The following SYN2 variants were observed in gnomAD, a reference collection of about 807,000 sequenced individuals.
SYN2 encodes the protein synapsin II.
A neutral mutation model predicts 50.9 loss-of-function variants in SYN2; 19 were observed. That is an observed-to-expected ratio of 0.37 (90% CI 0.26 to 0.55). The LOEUF is 0.55. Among genes scored for constraint, SYN2 ranks in the 20% least tolerant of loss-of-function variants. SYN2 has a pLI of 0.81. For missense variants in SYN2, 587 were observed against 576.4 expected (o/e 1.02, Z -0.19); for synonymous variants, 255 against 224.9 (o/e 1.13, Z -1.20).
At chr3:12,082,963 A>T (rs1190455359) in intron 1 of SYN2, among the ~76,000 whole-genome samples, 1 of 152,090 alleles carries the variant, frequency 6.6e-6, no homozygotes, top group Non-Finnish European at 1.5e-5. Context: ...AAAAGTTCTT[A>T]ATGATACCTA....
chr3:12,100,258 T>C (rs1342874747), intron 1 of SYN2, among the ~76,000 whole-genome samples: 1 of 152,126 alleles, frequency 6.6e-6, no homozygotes, highest in Non-Finnish European at 1.5e-5. Context: ...AATAAAGTGA[T>C]CAAAATGGTA....
chr3:12,160,427 T>C (rs959792543), intron 5 of SYN2, among the ~76,000 whole-genome samples: 12 of 152,184 alleles, frequency 7.9e-5, no homozygotes, highest in African/African-American at 2.4e-4. Flanking sequence ...TTAGTTCCCA[T>C]AGGAGTCTGA....
chr3:12,153,320 C>T, intron 5 of SYN2: 2 of 627,708 alleles, frequency 3.2e-6, no homozygotes, highest in Admixed American at 5.3e-5. Flanking sequence ...GTTTGGGAGG[C>T]AGGGGCAACA....
rs904811806 is a variant in SYN2, at chr3:12,087,563, A to T, written c.378-53088A>T. Among the ~76,000 whole-genome samples the T allele has an allele frequency of 3.3e-5, 5 of 152,076 alleles. No individual in the cohort carries two copies. In the East Asian group the frequency reaches 9.6e-4, roughly 29 times the overall value. ...AATCCCAGAAATACCAGCCTGGGCA[A>T]CATGGTGAGACCCTGCCTCTACAAA... On this transcript the variant is annotated intron_variant, in intron 1 of 12. Coordinates refer to ENST00000621198, the MANE Select transcript of SYN2 (RefSeq NM_133625.6).
intron 1 of SYN2, among the ~76,000 whole-genome samples, chr3:12,022,428 A>G (rs184723189): frequency 9.2e-5 from 14 of 152,068 alleles, no homozygotes; most frequent in Admixed American, 8.5e-4. Context: ...TTAGTTTTTG[A>G]GACGGAGTCT....
chr3:12,157,666 A>C (rs1697498890), intron 5 of SYN2, among the ~76,000 whole-genome samples: 1 of 152,146 alleles, frequency 6.6e-6, no homozygotes, highest in East Asian at 1.9e-4. Flanking sequence ...AGTCACTGGA[A>C]GTTCCAAACC....
At chr3:12,170,001 T>A (rs1250878622) in intron 10 of SYN2, 95 bp downstream of exon 10, 3 of 1,426,024 alleles carry the variant, frequency 2.1e-6, no homozygotes, top group Non-Finnish European at 2.8e-6. Flanking sequence ...ACAGGCCAGA[T>A]GCCCACAGGC....
intron 10 of SYN2, among the ~76,000 whole-genome samples, chr3:12,170,408 T>A (rs1406299759): frequency 4.6e-5 from 7 of 152,184 alleles, no homozygotes; most frequent in African/African-American, 7.2e-5. Flanking sequence ...AAACTCAAAT[T>A]AGAAATCTTT....
chr3:12,066,841 T>TG (rs540644237), intron 1 of SYN2, among the ~76,000 whole-genome samples: 111 of 151,866 alleles, frequency 7.3e-4, no homozygotes, highest in South Asian at 2.1e-3. Flanking sequence ...TTCACATGGC[T>TG]GGGGGGGGCC....
intron 1 of SYN2, among the ~76,000 whole-genome samples, chr3:12,009,564 C>A (rs1693873788): frequency 6.6e-6 from 1 of 152,206 alleles, no homozygotes; most frequent in South Asian, 2.1e-4. Context: ...CTAAAACTCA[C>A]ATCTGACTCC....
chr3:12,052,472 GA>G (rs1183735694), intron 1 of SYN2, among the ~76,000 whole-genome samples: 1 of 151,960 alleles, frequency 6.6e-6, no homozygotes, highest in Non-Finnish European at 1.5e-5. Flanking sequence ...ATACTTTCAA[GA>G]AAAAAATTAA....
chr3:12,153,352 G>A, intron 5 of SYN2: 1 of 798,394 alleles, frequency 1.3e-6, no homozygotes, highest in Non-Finnish European at 2.1e-6. Context: ...GGGCAGAAAA[G>A]TCATGGCCCC....
intron 1 of SYN2, among the ~76,000 whole-genome samples, chr3:12,132,665 T>G (rs1270806376): frequency 6.6e-6 from 1 of 152,264 alleles, no homozygotes; most frequent in African/African-American, 2.4e-5. Flanking sequence ...ACTTTCATCA[T>G]GTCACTTTTG....
rs539575144 is a variant in SYN2, at chr3:12,049,937, C to G, written c.377+45009C>G. ...AATCTCGACAGTTTTTGTTTGTTTTCTTTTTGTTTTGTTTGTTTTTGTTTT... is the reference window on the plus strand; with the variant it reads ...AATCTCGACAGTTTTTGTTTGTTTTGTTTTTGTTTTGTTTGTTTTTGTTTT... On this transcript the variant is annotated intron_variant, in intron 1 of 12. Coordinates refer to ENST00000621198, the MANE Select transcript of SYN2 (RefSeq NM_133625.6). Among the ~76,000 whole-genome samples, 3 of 152,046 alleles carry G rather than the reference C, an allele frequency of 2.0e-5. No individual in the cohort carries two copies. In the East Asian group the frequency reaches 5.8e-4, roughly 29 times the overall value.
At chr3:12,166,668 G>A (rs1385497845) in intron 7 of SYN2, among the ~76,000 whole-genome samples, 1 of 152,114 alleles carries the variant, frequency 6.6e-6, no homozygotes, top group East Asian at 1.9e-4. Context: ...ATATTATAGT[G>A]GCCTTCAGAA....
Position 12,187,061 on chromosome 3 carries a change from G to A in SYN2, c.1370-308G>A, listed in dbSNP as rs1356047701. 2.0e-5 allele frequency among the ~76,000 whole-genome samples: 3 copies of A among 152,134 alleles called. No individual in the cohort carries two copies. The East Asian group carries it at 5.8e-4, about 29-fold the overall frequency. On this transcript the variant is annotated intron_variant, in intron 11 of 12. Coordinates refer to ENST00000621198, the MANE Select transcript of SYN2 (RefSeq NM_133625.6). The stretch of plus-strand genomic sequence containing the variant: ...AGACACCTCTAGAGAGGAGGGGAGA[G>A]GACCCTGCATTCTAGGGCCCTCTGT...
intron 1 of SYN2, among the ~76,000 whole-genome samples, chr3:12,056,870 T>C (rs1192781327): frequency 6.6e-6 from 1 of 152,214 alleles, no homozygotes; most frequent in Non-Finnish European, 1.5e-5. Flanking sequence ...GTCCTTTGTG[T>C]ATATTAAAAA....
intron 1 of SYN2, among the ~76,000 whole-genome samples, chr3:12,123,842 C>G (rs749984767): frequency 4.7e-4 from 71 of 152,066 alleles, no homozygotes; most frequent in Non-Finnish European, 7.5e-4. Flanking sequence ...AACCCCGTCT[C>G]TACAAAAAAT....
At chr3:12,110,449 C>G (rs571096759) in intron 1 of SYN2, among the ~76,000 whole-genome samples, 96 of 152,300 alleles carry the variant, frequency 6.3e-4, no homozygotes, top group South Asian at 1.5e-3. Context: ...GACAGTGGCC[C>G]TCTTCTCACA....
Sources: gnomAD v4.1 joint callset for allele counts (sites outside exome capture counted in the v4.1 genomes callset) on GRCh38, gnomAD v4.1.1 for gene constraint, MANE v1.5 for transcripts, NCBI Gene and HGNC (gene_info 2026-07-23, HGNC 2026-07-21) for gene names.